SHISA6: variants seen among roughly 807,000 people sequenced by gnomAD.
SHISA6 encodes shisa family member 6, also known as protein shisa-6.
SHISA6 carries 22 observed loss-of-function variants against 47.9 expected under a neutral mutation model. The observed-to-expected ratio is 0.46, with a 90% CI of 0.33 to 0.66. SHISA6 has a LOEUF of 0.66. Ranked by LOEUF, SHISA6 falls within the 30% of genes least tolerant of loss-of-function variation. The probability of loss-of-function intolerance (pLI) is 0.02; values close to 1 mark genes in which losing one functional copy is unlikely to be tolerated. For missense variants in SHISA6, 680 were observed against 764.6 expected (o/e 0.89, Z 1.30); for synonymous variants, 388 against 337.8 (o/e 1.15, Z -1.63).
At chr17:11,252,247 C>G (rs1483002739) in intron 1 of SHISA6, among the ~76,000 whole-genome samples, 1 of 152,176 alleles carries the variant, frequency 6.6e-6, no homozygotes, top group African/African-American at 2.4e-5. Flanking sequence ...TCGCTGCTTT[C>G]TGCAGTCTTC....
chr17:11,416,173 A>C (rs1183235779), intron 3 of SHISA6, among the ~76,000 whole-genome samples: 1 of 152,144 alleles, frequency 6.6e-6, no homozygotes, highest in Non-Finnish European at 1.5e-5. Context: ...CAACATAGGA[A>C]TTTGAGAGGT....
chr17:11,302,456 C>T (rs78446704), intron 2 of SHISA6, among the ~76,000 whole-genome samples: 240 of 152,306 alleles, frequency 1.6e-3, no homozygotes, highest in African/African-American at 5.2e-3. Flanking sequence ...CAGATCTTTT[C>T]TCAGCTCATT....
At chr17:11,522,244 C>T (rs962746212) in intron 3 of SHISA6, among the ~76,000 whole-genome samples, 2 of 151,998 alleles carry the variant, frequency 1.3e-5, no homozygotes, top group African/African-American at 4.8e-5. Flanking sequence ...GGATTACAGG[C>T]GTGAGTCACC....
chr17:11,487,651 C>T (rs1916385789), intron 3 of SHISA6, among the ~76,000 whole-genome samples: 1 of 152,188 alleles, frequency 6.6e-6, no homozygotes. Flanking sequence ...TACTAATGCC[C>T]CTGACTCTTT....
chr17:11,469,236 G>A (rs1270723926), intron 3 of SHISA6, among the ~76,000 whole-genome samples: 2 of 151,984 alleles, frequency 1.3e-5, no homozygotes, highest in African/African-American at 2.4e-5. Flanking sequence ...GAATTATCTG[G>A]GCAGGCTCAA....
rs976660326 is a variant in SHISA6, at chr17:11,563,715, T to G, written c.*5411T>G. The G allele has an allele frequency of 6.6e-6, 1 of 152,224 alleles. No homozygotes were observed. The highest frequency in any genetic ancestry group is 1.5e-5 in the Non-Finnish European group (1 of 68,032). 9.4% of individuals were successfully genotyped at this position (152,224 alleles called of 1,614,324 possible). ...TTCTCTAATAAAAAGCAATTCTTACTGTAATATTTTTAGTTTGGGGACACA... is the reference window on the plus strand; with the variant it reads ...TTCTCTAATAAAAAGCAATTCTTACGGTAATATTTTTAGTTTGGGGACACA... On this transcript the variant is annotated 3_prime_UTR_variant, in exon 6 of 6. Coordinates refer to ENST00000441885, the MANE Select transcript of SHISA6 (RefSeq NM_207386.4).
chr17:11,505,443 A>G (rs2071491260), intron 3 of SHISA6, among the ~76,000 whole-genome samples: 1 of 152,198 alleles, frequency 6.6e-6, no homozygotes, highest in Admixed American at 6.5e-5. Context: ...AGTGCAGGAA[A>G]ATCCCACAGT....
At chr17:11,341,201 C>T (rs927142681) in intron 2 of SHISA6, among the ~76,000 whole-genome samples, 2 of 152,120 alleles carry the variant, frequency 1.3e-5, no homozygotes, top group African/African-American at 4.8e-5. Context: ...TTCCACCATT[C>T]TACAGTGTTA....
At chr17:11,283,894 G>C (rs1406722789) in intron 2 of SHISA6, among the ~76,000 whole-genome samples, 1 of 152,160 alleles carries the variant, frequency 6.6e-6, no homozygotes, top group Non-Finnish European at 1.5e-5. Flanking sequence ...GAATTGTTTA[G>C]CTGAAGCTTT....
At chr17:11,353,683 C>T (rs187449936) in intron 2 of SHISA6, among the ~76,000 whole-genome samples, 2 of 152,190 alleles carry the variant, frequency 1.3e-5, no homozygotes, top group Admixed American at 6.5e-5. Context: ...GATGTGTGTG[C>T]TCAGAGGACA....
intron 2 of SHISA6, among the ~76,000 whole-genome samples, chr17:11,277,280 T>TCTCTCTCACACACA (rs1386997909): frequency 1.7e-3 from 89 of 53,900 alleles, no homozygotes; most frequent in East Asian, 0.016. Context: ...TCTCTCTCTC[T>TCTCTCTCACACACA]CACACACACA....
chr17:11,267,800 A>G (rs369142487), intron 2 of SHISA6, among the ~76,000 whole-genome samples: 13 of 152,282 alleles, frequency 8.5e-5, no homozygotes, highest in East Asian at 5.8e-4. Flanking sequence ...ACTCAGGCTT[A>G]TCTGAGAGAG....
intron 3 of SHISA6, among the ~76,000 whole-genome samples, chr17:11,488,081 T>C (rs1421232980): frequency 1.3e-5 from 2 of 152,178 alleles, no homozygotes; most frequent in Admixed American, 1.3e-4. Context: ...GAGCATTACG[T>C]TTCCAACGGA....
chr17:11,246,873 T>C (rs536865354), intron 1 of SHISA6, among the ~76,000 whole-genome samples: 21 of 152,130 alleles, frequency 1.4e-4, no homozygotes, highest in African/African-American at 4.6e-4. Flanking sequence ...AGGGCAACCA[T>C]GCAAATACTT....
In SHISA6 at chr17:11,295,785, A is replaced by C. The variant is rs563812060; in HGVS notation, c.799+32259A>C. The stretch of plus-strand genomic sequence containing the variant: ...AAGACCATCCTGGCTAACACAGTGA[A>C]ACCCCGTCTCTACTAAAAATACAAA... On this transcript the variant is annotated intron_variant, in intron 2 of 5. Transcript: ENST00000441885. 1.4e-4 allele frequency among the ~76,000 whole-genome samples: 22 copies of C among 152,160 alleles called. No individual in the cohort carries two copies. In the East Asian group the frequency reaches 4.1e-3, roughly 28 times the overall value.
At chr17:11,519,507 T>C (rs940395607) in intron 3 of SHISA6, among the ~76,000 whole-genome samples, 2 of 151,638 alleles carry the variant, frequency 1.3e-5, no homozygotes, top group Non-Finnish European at 2.9e-5. Context: ...GAATGAAGAG[T>C]TGTTGTTTAT....
chr17:11,378,958 C>T (rs956207666), intron 2 of SHISA6, among the ~76,000 whole-genome samples: 1 of 151,528 alleles, frequency 6.6e-6, no homozygotes, highest in African/African-American at 2.4e-5. Flanking sequence ...AGTGGTGGGA[C>T]AAATAGACTA....
chr17:11,392,090 C>T (rs186099306), intron 3 of SHISA6, among the ~76,000 whole-genome samples: 2 of 152,274 alleles, frequency 1.3e-5, no homozygotes, highest in Non-Finnish European at 2.9e-5. Flanking sequence ...TCAGAGGGGC[C>T]AGAGCTCATA....
At chr17:11,548,502 A>G (rs1179071729) in intron 3 of SHISA6, among the ~76,000 whole-genome samples, 1 of 151,954 alleles carries the variant, frequency 6.6e-6, no homozygotes, top group Non-Finnish European at 1.5e-5. Context: ...TAATAAAATA[A>G]TAAGACACCA....
Sources: allele counts gnomAD v4.1 joint callset (sites outside exome capture counted in the v4.1 genomes callset), GRCh38; gene constraint gnomAD v4.1.1; transcripts MANE v1.5; gene names NCBI Gene and HGNC (gene_info 2026-07-23, HGNC 2026-07-21).